TNRC6A: variants seen among roughly 807,000 people sequenced by gnomAD.
TNRC6A encodes the protein trinucleotide repeat containing adaptor 6A, also known as trinucleotide repeat-containing gene 6A protein.
In TNRC6A, 44 loss-of-function variants were observed where a neutral mutation model predicts 221.2. The ratio of observed to expected loss-of-function variants is 0.20; its 90% confidence interval spans 0.16 to 0.26. TNRC6A has a LOEUF of 0.26. TNRC6A is among the 10% of genes least tolerant of loss of function. The probability of loss-of-function intolerance (pLI) is 1.00; values close to 1 mark genes in which losing one functional copy is unlikely to be tolerated. For synonymous variants in TNRC6A, 847 were observed against 838.5 expected (o/e 1.01, Z -0.18); for missense variants, 2,199 against 2,404.4 (o/e 0.91, Z 1.79).
intron 2 of TNRC6A, among the ~76,000 whole-genome samples, chr16:24,648,349 GCAACCTC>G (rs1567323528): frequency 7.5e-6 from 1 of 132,752 alleles, no homozygotes; most frequent in Non-Finnish European, 1.5e-5. Context: ...TTGGCTCACT[GCAACCTC>G]CAACCCCCAG....
At chr16:24,743,325 T>A (rs565287556) in intron 2 of TNRC6A, among the ~76,000 whole-genome samples, 40 of 152,276 alleles carry the variant, frequency 2.6e-4, no homozygotes, top group Non-Finnish European at 4.1e-4. Context: ...TAATTAATTT[T>A]TTATTATTAT....
chr16:24,725,276 G>A (rs1388009731), upstream of TNRC6A, among the ~76,000 whole-genome samples: 1 of 151,938 alleles, frequency 6.6e-6, no homozygotes, highest in Non-Finnish European at 1.5e-5. Flanking sequence ...AGCCTCAAGC[G>A]ATCCTCCCAC....
chr16:24,719,713 C>T (rs1311361826), intron 2 of TNRC6A, among the ~76,000 whole-genome samples: 2 of 151,374 alleles, frequency 1.3e-5, no homozygotes, highest in Non-Finnish European at 2.9e-5. Context: ...TGGTAGTGTC[C>T]GTCTGTAGTC....
At chr16:24,655,709 G>A (rs802763) in intron 2 of TNRC6A, among the ~76,000 whole-genome samples, 60,345 of 151,766 alleles carry the variant, frequency 0.4, 13,651 homozygotes, top group East Asian at 0.64. Context: ...AGAGTATTTC[G>A]GTAGAAATAT....
In TNRC6A at chr16:24,643,643, A is replaced by T. The variant is rs565690626; in HGVS notation, n.402+2634A>T. ...CTTGGCCCCGTCTTCCCTTGAGTCAACATCTTCCTCTAATAATACTTCTGT... is the reference window on the plus strand; with the variant it reads ...CTTGGCCCCGTCTTCCCTTGAGTCATCATCTTCCTCTAATAATACTTCTGT... On this transcript the variant is annotated intron_variant and non_coding_transcript_variant, in intron 2 of 2. Transcript: ENST00000566108. Among the ~76,000 whole-genome samples, 9 of 152,216 alleles carry T rather than the reference A, an allele frequency of 5.9e-5. 1 individual carries two copies. Among genetic ancestry groups the T allele is most frequent in the Admixed American group, 5.9e-4 (9 of 15,264 alleles).
At chr16:24,734,870 C>T (rs1195276452) in intron 2 of TNRC6A, among the ~76,000 whole-genome samples, 1 of 152,136 alleles carries the variant, frequency 6.6e-6, no homozygotes. Context: ...CCCCATAAAC[C>T]AACTGTATGT....
intron 17 of TNRC6A, 110 bp from the exon 18 acceptor site, chr16:24,809,240 T>C (rs1348131364): frequency 2.2e-5 from 21 of 972,366 alleles, no homozygotes; most frequent in South Asian, 3.7e-5. Flanking sequence ...TTAACAGTTA[T>C]GTGGTTTGAA....
At chr16:24,812,727 G>A (rs1567514826) in intron 18 of TNRC6A, among the ~76,000 whole-genome samples, 2 of 152,100 alleles carry the variant, frequency 1.3e-5, no homozygotes, top group African/African-American at 4.8e-5. Context: ...AGGGCACTCT[G>A]ATGTTCACAC....
chr16:24,813,008 T>A (rs531401186), intron 18 of TNRC6A, among the ~76,000 whole-genome samples: 1 of 150,022 alleles, frequency 6.7e-6, no homozygotes, highest in African/African-American at 2.5e-5. Context: ...CCCGAGCAGC[T>A]GGGATTACAG....
chr16:24,709,476 A>C (rs1278554354), intron 2 of TNRC6A, among the ~76,000 whole-genome samples: 1 of 152,140 alleles, frequency 6.6e-6, no homozygotes, highest in Non-Finnish European at 1.5e-5. Context: ...TTTTGATCAC[A>C]TTTTAAAATG....
intron 5 of TNRC6A, among the ~76,000 whole-genome samples, chr16:24,780,273 T>C (rs1214717649): frequency 6.6e-6 from 1 of 152,164 alleles, no homozygotes; most frequent in Non-Finnish European, 1.5e-5. Context: ...TCTTTCTCTC[T>C]CTCATATATG....
chr16:24,659,859 A>T (rs1037135508), intron 2 of TNRC6A, among the ~76,000 whole-genome samples: 5 of 152,240 alleles, frequency 3.3e-5, no homozygotes, highest in African/African-American at 1.2e-4. Context: ...TTCCATAGGC[A>T]CATAAAAGAT....
Position 24,823,964 on chromosome 16 carries a change from T to G in TNRC6A, c.*157T>G. ...CCCAAAACATATCAGTTTGAATACTTGAATCATGCAGGCCAATATTATAAT... is the reference window on the plus strand; with the variant it reads ...CCCAAAACATATCAGTTTGAATACTGGAATCATGCAGGCCAATATTATAAT... On this transcript the variant is annotated 3_prime_UTR_variant, in exon 25 of 25. Transcript: ENST00000395799. The surrounding 1 kb of genome is among the most constrained non-coding windows in gnomAD (Gnocchi z 4.3). 1 of 626,968 alleles carries G rather than the reference T, an allele frequency of 1.6e-6. No individual in the cohort carries two copies. Among genetic ancestry groups the G allele is most frequent in the Non-Finnish European group, 2.4e-6 (1 of 420,750 alleles). The allele number at this position is 626,968 out of a possible 1,614,324, so 38.8% of individuals were successfully genotyped here. A position where few individuals can be genotyped will look rare whatever the true frequency, so the allele number is the denominator to read the frequency against.
At chr16:24,717,722 C>A (rs148178453) in intron 2 of TNRC6A, among the ~76,000 whole-genome samples, 2 of 149,998 alleles carry the variant, frequency 1.3e-5, no homozygotes, top group Non-Finnish European at 3.0e-5. Flanking sequence ...CTTGTTGTCA[C>A]GTCATTTAAC....
At chr16:24,679,164 A>G (rs187343221) in intron 2 of TNRC6A, among the ~76,000 whole-genome samples, 169 of 151,844 alleles carry the variant, frequency 1.1e-3, no homozygotes, top group Admixed American at 1.5e-3. Context: ...ACGCCTAGCT[A>G]ATTTTGTATT....
chr16:24,806,927 C>A, intron 17 of TNRC6A, 143 bp downstream of exon 17: 5 of 764,808 alleles, frequency 6.5e-6, no homozygotes, highest in Non-Finnish European at 1.1e-5. Flanking sequence ...TTGCCATCCC[C>A]TCTCCTAGTT....
rs764493133 is a variant in TNRC6A, at chr16:24,730,237, T to C, written c.6-16T>C. 6.2e-7 allele frequency: 1 copy of C among 1,600,906 alleles called. No individual in the cohort carries two copies. Among genetic ancestry groups the C allele is most frequent in the Non-Finnish European group, 8.5e-7 (1 of 1,176,742 alleles). On this transcript the variant is annotated splice_polypyrimidine_tract_variant and intron_variant, in intron 1 of 24. Transcript: ENST00000395799. Reference sequence around the variant, plus strand: ...TGTGTTTTTGTTTTGTTTTTGTTTTTGTTTTTTTGTTTCAGAGAATTGGAA... The same window carrying C: ...TGTGTTTTTGTTTTGTTTTTGTTTTCGTTTTTTTGTTTCAGAGAATTGGAA...
chr16:24,618,530 T>C (rs1900494054), intron 1 of TNRC6A, among the ~76,000 whole-genome samples: 2 of 152,088 alleles, frequency 1.3e-5, no homozygotes, highest in South Asian at 4.1e-4. Flanking sequence ...AGCAGTGTGA[T>C]TATATCACCC....
chr16:24,715,160 T>A (rs75700735), intron 2 of TNRC6A, among the ~76,000 whole-genome samples: 8,676 of 152,292 alleles, frequency 0.057, 729 homozygotes, highest in East Asian at 0.36. Flanking sequence ...ATATAAATGT[T>A]CTACAGATTT....
Sources: gnomAD v4.1 joint callset for allele counts (sites outside exome capture counted in the v4.1 genomes callset) on GRCh38, gnomAD v4.1.1 for gene constraint, Gnocchi (gnomAD v3.1) non-coding constraint, MANE v1.5 for transcripts, NCBI Gene and HGNC (gene_info 2026-07-23, HGNC 2026-07-21) for gene names.